CD9: variants seen among roughly 807,000 people sequenced by gnomAD.
CD9 encodes the protein CD9 antigen.
In CD9, 10 loss-of-function variants were observed where a neutral mutation model predicts 31.4. That is an observed-to-expected ratio of 0.32 (90% CI 0.20 to 0.54). CD9 has a LOEUF of 0.54. Among genes scored for constraint, CD9 ranks in the 20% least tolerant of loss-of-function variants. The pLI, the probability that CD9 is intolerant of heterozygous loss-of-function variation, is 0.94. For synonymous variants in CD9, 113 were observed against 114.1 expected (o/e 0.99, Z 0.06); for missense variants, 259 against 300.1 (o/e 0.86, Z 1.01).
chr12:6,213,619 G>A (rs565520632), intron 1 of CD9, among the ~76,000 whole-genome samples: 3 of 152,314 alleles, frequency 2.0e-5, no homozygotes, highest in East Asian at 1.9e-4. Flanking sequence ...TTGATTCTTC[G>A]TATGTAGAAT....
chr12:6,228,496 G>T (rs1946397734), intron 2 of CD9, among the ~76,000 whole-genome samples: 2 of 139,478 alleles, frequency 1.4e-5, no homozygotes, highest in African/African-American at 2.6e-5. Context: ...AGGTTGCAGA[G>T]AGCTGAGATC....
In CD9 at chr12:6,232,526, A is replaced by AGGTGGGGAGGCAGGAGTTAGGC. The variant is rs1946459602; in HGVS notation, c.176-105_176-84dup. ...CTTCCCTGAGATGAGGGGAATAAGG[A>AGGTGGGGAGGCAGGAGTTAGGC]GGTGGGGAGGCAGGAGTTAGGCAGA... is the stretch of plus-strand genomic sequence containing the variant. On this transcript the variant is annotated intron_variant, in intron 2 of 7. Coordinates refer to ENST00000009180, the MANE Select transcript of CD9 (RefSeq NM_001769.4). The surrounding 1 kb of genome is among the most constrained non-coding windows in gnomAD (Gnocchi z 4.8). 1.9e-5 allele frequency: 14 copies of AGGTGGGGAGGCAGGAGTTAGGC among 726,890 alleles called. No homozygotes were observed. The highest frequency in any genetic ancestry group is 1.8e-4 in the South Asian group (12 of 67,604). 45.0% of individuals were successfully genotyped at this position (726,890 alleles called of 1,614,324 possible).
chr12:6,209,977 G>A lies in CD9; in HGVS notation c.66+9412G>A, dbSNP rs114018238. Reference sequence around the variant, plus strand: ...TGGGATTACAGGCGTGAGTCACCGCGCCCAGCTGGGACTGCTCATTTCAAA... The same window carrying A: ...TGGGATTACAGGCGTGAGTCACCGCACCCAGCTGGGACTGCTCATTTCAAA... On this transcript the variant is annotated intron_variant, in intron 1 of 7. Coordinates refer to ENST00000009180, the MANE Select transcript of CD9 (RefSeq NM_001769.4). Among the ~76,000 whole-genome samples the A allele has an allele frequency of 3.5e-3, 537 of 152,302 alleles. 3 individuals carry two copies. The highest frequency in any genetic ancestry group is 0.013 in the African/African-American group (520 of 41,542).
rs779687180 is a variant in CD9, at chr12:6,237,964, A to G, written c.*136A>G. On this transcript the variant is annotated 3_prime_UTR_variant, in exon 8 of 8. Transcript: ENST00000009180. ...TTTAGTATTCATTCTGCATTGCTAGATAAAAGCTGAAGTTACTTTATGTTT... is the reference window on the plus strand; with the variant it reads ...TTTAGTATTCATTCTGCATTGCTAGGTAAAAGCTGAAGTTACTTTATGTTT... The G allele has an allele frequency of 5.0e-6, 3 of 595,468 alleles. No homozygotes were observed. The highest frequency in any genetic ancestry group is 9.1e-6 in the Non-Finnish European group (3 of 330,180). 36.9% of individuals were successfully genotyped at this position (595,468 alleles called of 1,614,324 possible). A position where few individuals can be genotyped will look rare whatever the true frequency, so the allele number is the denominator to read the frequency against.
At chr12:6,203,177 G>C (rs995283870) in intron 1 of CD9, among the ~76,000 whole-genome samples, 5 of 152,166 alleles carry the variant, frequency 3.3e-5, no homozygotes, top group African/African-American at 7.2e-5. Context: ...TTCCCAGAGA[G>C]GTTAGGTGAC....
chr12:6,212,536 A>T (rs1263806563), intron 1 of CD9, among the ~76,000 whole-genome samples: 3 of 152,118 alleles, frequency 2.0e-5, no homozygotes, highest in Non-Finnish European at 4.4e-5. Context: ...GTCTAGGGCC[A>T]CCTTCACCCT....
intron 1 of CD9, among the ~76,000 whole-genome samples, chr12:6,202,152 T>TGG (rs1466484475): frequency 3.3e-5 from 5 of 152,102 alleles, no homozygotes; most frequent in African/African-American, 2.4e-5. Flanking sequence ...GCTGAAGGGG[T>TGG]GGTTGAACAG....
chr12:6,232,760 C>A lies in CD9; in HGVS notation c.273+31C>A, dbSNP rs752621332. ...TATCCCCTCGGCATCCCCACAGCCA[C>A]CCTGACTCCCACCAACAAAAACCTC... On this transcript the variant is annotated intron_variant, in intron 3 of 7. Coordinates refer to ENST00000009180, the MANE Select transcript of CD9 (RefSeq NM_001769.4). The surrounding 1 kb of genome is among the most constrained non-coding windows in gnomAD (Gnocchi z 4.8). The A allele has an allele frequency of 4.3e-6, 6 of 1,406,938 alleles. No homozygotes were observed. The South Asian group carries it at 6.1e-5, about 14-fold the overall frequency. The allele number at this position is 1,406,938 out of a possible 1,614,324, so 87.2% of individuals were successfully genotyped here.
At chr12:6,218,480 A>G (rs1210240107) in intron 1 of CD9, among the ~76,000 whole-genome samples, 1 of 152,022 alleles carries the variant, frequency 6.6e-6, no homozygotes, top group Non-Finnish European at 1.5e-5. Context: ...CTTTTTCAGC[A>G]CACCTACTTC....
chr12:6,208,046 A>G (rs1946151578), intron 1 of CD9, among the ~76,000 whole-genome samples: 1 of 151,976 alleles, frequency 6.6e-6, no homozygotes, highest in South Asian at 2.1e-4. Context: ...CCAACATGGA[A>G]AAACCCCCTC....
chr12:6,236,120 G>A lies in CD9; in HGVS notation c.538-72G>A, dbSNP rs1339288008. 6 of 1,596,042 alleles carry A rather than the reference G, an allele frequency of 3.8e-6. No individual in the cohort carries two copies. The African/African-American group carries it at 5.3e-5, about 14-fold the overall frequency. ...CACCAGTTCTCCCGGGTGAGACGGGGGCCATGGGAGGGAGGAGGTGCCCTG... is the reference window on the plus strand; with the variant it reads ...CACCAGTTCTCCCGGGTGAGACGGGAGCCATGGGAGGGAGGAGGTGCCCTG... On this transcript the variant is annotated intron_variant, in intron 6 of 7. Transcript: ENST00000009180.
intron 1 of CD9, among the ~76,000 whole-genome samples, chr12:6,221,632 C>T (rs1946292703): frequency 6.6e-6 from 1 of 152,034 alleles, no homozygotes; most frequent in African/African-American, 2.4e-5. Context: ...AGGGTTAAAG[C>T]TCTCTTTTTT....
intron 1 of CD9, among the ~76,000 whole-genome samples, chr12:6,219,732 G>A (rs1341230239): frequency 3.9e-5 from 6 of 152,056 alleles, no homozygotes; most frequent in Non-Finnish European, 5.9e-5. Context: ...TGATCCGCCC[G>A]CCTCGGCCTC....
At chr12:6,223,143 A>G (rs1591972151) in intron 1 of CD9, among the ~76,000 whole-genome samples, 1 of 152,204 alleles carries the variant, frequency 6.6e-6, no homozygotes, top group East Asian at 1.9e-4. Flanking sequence ...ACCGGCCTAC[A>G]GTTTTCAGGT....
At chr12:6,227,279 A>G (rs1946381574) in intron 2 of CD9, among the ~76,000 whole-genome samples, 1 of 151,940 alleles carries the variant, frequency 6.6e-6, no homozygotes, top group Admixed American at 6.6e-5. Context: ...GCTCACCGCA[A>G]CCTCTGCCTC....
At chr12:6,234,163 C>T (rs1408766406) in intron 4 of CD9, among the ~76,000 whole-genome samples, 3 of 151,540 alleles carry the variant, frequency 2.0e-5, no homozygotes, top group Non-Finnish European at 4.4e-5. Flanking sequence ...GACTTCCAGT[C>T]AAAGGGGCTG....
chr12:6,201,407 G>A (rs1236954965), intron 1 of CD9, among the ~76,000 whole-genome samples: 3 of 152,166 alleles, frequency 2.0e-5, no homozygotes, highest in Admixed American at 6.5e-5. Flanking sequence ...CCAGCTGCCC[G>A]CCCAGGAGAG....
intron 2 of CD9, among the ~76,000 whole-genome samples, chr12:6,228,808 A>G (rs733700): frequency 0.59 from 89,809 of 151,986 alleles, 27,667 homozygotes; most frequent in African/African-American, 0.78. Context: ...TTTTCCAAGG[A>G]ATAGTCATGG....
In CD9 at chr12:6,228,010, G is replaced by A. The variant is rs563461380; in HGVS notation, c.175+2476G>A. ...AGGTCATTGCAGGGCCCTGCTGGTGGCCGGTGGTCCTACCTGAAGTGACCA... is the reference window on the plus strand; with the variant it reads ...AGGTCATTGCAGGGCCCTGCTGGTGACCGGTGGTCCTACCTGAAGTGACCA... On this transcript the variant is annotated intron_variant, in intron 2 of 7. Coordinates refer to ENST00000009180, the MANE Select transcript of CD9 (RefSeq NM_001769.4). Among the ~76,000 whole-genome samples the A allele has an allele frequency of 3.9e-5, 6 of 152,302 alleles. No homozygotes were observed. In the East Asian group the frequency reaches 1.2e-3, roughly 29 times the overall value.
Sources: gnomAD v4.1 joint callset for allele counts (sites outside exome capture counted in the v4.1 genomes callset) on GRCh38, gnomAD v4.1.1 for gene constraint, Gnocchi (gnomAD v3.1) non-coding constraint, MANE v1.5 for transcripts, NCBI Gene and HGNC (gene_info 2026-07-23, HGNC 2026-07-21) for gene names.